The following COL25A1 variants were observed in gnomAD, a reference collection of about 807,000 sequenced individuals.
The protein encoded by COL25A1 is collagen alpha-1(XXV) chain.
Under a neutral mutation model 128.4 loss-of-function variants are expected in COL25A1, and 103 were observed. The ratio of observed to expected loss-of-function variants is 0.80; its 90% CI spans 0.68 to 0.94. The LOEUF is 0.94. COL25A1 is among the 40% of genes least tolerant of loss of function. The pLI, the probability that COL25A1 is intolerant of heterozygous loss-of-function variation, is 0.00. For synonymous variants in COL25A1, 279 were observed against 277.2 expected (o/e 1.01, Z -0.06); for missense variants, 745 against 840.0 (o/e 0.89, Z 1.40).
intron 3 of COL25A1, among the ~76,000 whole-genome samples, chr4:109,166,942 G>A (rs1440430780): frequency 6.6e-6 from 1 of 152,146 alleles, no homozygotes; most frequent in Non-Finnish European, 1.5e-5. Flanking sequence ...TCTGCAAGAG[G>A]AAAGTACTTA....
At chr4:108,952,671 T>C (rs139474648) in intron 8 of COL25A1, among the ~76,000 whole-genome samples, 34 of 152,164 alleles carry the variant, frequency 2.2e-4, no homozygotes, top group African/African-American at 7.5e-4. Context: ...CAAGGACTCA[T>C]CTCAACTTGA....
intron 2 of COL25A1, 78 bp downstream of exon 2, chr4:109,301,645 G>T: frequency 1.3e-6 from 2 of 1,499,768 alleles, no homozygotes. Context: ...GTACAGTAAG[G>T]GTAGCGGCTA....
chr4:109,056,172 C>A (rs901453010), intron 3 of COL25A1, among the ~76,000 whole-genome samples: 11 of 151,970 alleles, frequency 7.2e-5, no homozygotes, highest in Non-Finnish European at 1.6e-4. Context: ...AAGTCTTTCT[C>A]CCTTATTTTT....
At chr4:109,301,334 T>C (rs1211118878) in intron 2 of COL25A1, among the ~76,000 whole-genome samples, 2 of 152,210 alleles carry the variant, frequency 1.3e-5, no homozygotes, top group Non-Finnish European at 2.9e-5. Context: ...ATTAATAACA[T>C]CTATGACCCT....
chr4:109,112,658 AAAG>A (rs1347883807), intron 3 of COL25A1, among the ~76,000 whole-genome samples: 1 of 152,140 alleles, frequency 6.6e-6, no homozygotes, highest in Non-Finnish European at 1.5e-5. Context: ...CTCAAAAAAG[AAAG>A]AAAAATGATA....
chr4:109,071,351 A>C (rs1403510458), intron 3 of COL25A1, among the ~76,000 whole-genome samples: 5 of 152,174 alleles, frequency 3.3e-5, no homozygotes, highest in Non-Finnish European at 7.4e-5. Context: ...ACCCTAGAAG[A>C]AAACCTAGGC....
intron 8 of COL25A1, among the ~76,000 whole-genome samples, chr4:108,950,619 T>A (rs1244542724): frequency 6.6e-6 from 1 of 152,228 alleles, no homozygotes; most frequent in African/African-American, 2.4e-5. Flanking sequence ...GGTTCTATTT[T>A]AGGAACTCTC....
intron 3 of COL25A1, among the ~76,000 whole-genome samples, chr4:109,178,269 T>A (rs914807258): frequency 5.3e-5 from 8 of 152,202 alleles, no homozygotes; most frequent in African/African-American, 1.9e-4. Context: ...AAAAACATTT[T>A]CAACTACGTT....
intron 3 of COL25A1, among the ~76,000 whole-genome samples, chr4:109,205,731 A>G (rs1776927224): frequency 1.3e-5 from 2 of 152,136 alleles, no homozygotes; most frequent in African/African-American, 4.8e-5. Flanking sequence ...CCTATCTAAT[A>G]AAGTTTCACC....
intron 3 of COL25A1, among the ~76,000 whole-genome samples, chr4:109,062,272 T>C (rs1762048338): frequency 6.6e-6 from 1 of 152,168 alleles, no homozygotes; most frequent in African/African-American, 2.4e-5. Flanking sequence ...AAGGGTTACA[T>C]CTTTAAGTTA....
intron 3 of COL25A1, among the ~76,000 whole-genome samples, chr4:109,187,554 T>C (rs2526449): frequency 0.64 from 96,725 of 152,028 alleles, 31,157 homozygotes; most frequent in East Asian, 0.75. Flanking sequence ...CAGTAGCTGG[T>C]ACATTATAAA....
chr4:108,938,708 T>A (rs911403709), intron 10 of COL25A1, among the ~76,000 whole-genome samples: 1 of 152,066 alleles, frequency 6.6e-6, no homozygotes, highest in Non-Finnish European at 1.5e-5. Context: ...TACAAAAAAA[T>A]TAGCCAGGCA....
At chr4:108,955,847 T>G (rs1307456743) in intron 8 of COL25A1, among the ~76,000 whole-genome samples, 1 of 152,206 alleles carries the variant, frequency 6.6e-6, no homozygotes, top group Non-Finnish European at 1.5e-5. Context: ...AAAAATATAG[T>G]TGTTTGAATT....
At chr4:108,871,909 A>G (rs1312999511) in intron 19 of COL25A1, among the ~76,000 whole-genome samples, 1 of 152,124 alleles carries the variant, frequency 6.6e-6, no homozygotes, top group Non-Finnish European at 1.5e-5. Flanking sequence ...TGAAGTAAAT[A>G]AGGCATGGAT....
At chr4:108,861,001 A>G (rs374470008) in intron 22 of COL25A1, 30 bp from the exon 23 acceptor site, 3 of 1,599,150 alleles carry the variant, frequency 1.9e-6, no homozygotes, top group African/African-American at 2.7e-5. Flanking sequence ...AAAAAACTTA[A>G]TCAGAAGTGG....
chr4:108,823,904 C>T, intron 35 of COL25A1: 15 of 1,368,648 alleles, frequency 1.1e-5, no homozygotes, highest in South Asian at 7.5e-5. Context: ...TTTATTTTTC[C>T]ATAAATTGGT....
rs1489181575 is a variant in COL25A1 at position 108,812,264 on chromosome 4, T to C, written c.*1663A>G. The C allele has an allele frequency of 6.6e-6, 1 of 152,176 alleles. No individual in the cohort carries two copies. Among genetic ancestry groups the C allele is most frequent in the Non-Finnish European group, 1.5e-5 (1 of 68,024 alleles). The allele number at this position is 152,176 out of a possible 1,614,324, so 9.4% of individuals were successfully genotyped here. On this transcript the variant is annotated 3_prime_UTR_variant, in exon 38 of 38. Transcript: ENST00000399132. ...TGAGATCTTAGATTTGGTCTGTGGA[T>C]ATGAGGATGAGACAAACATTTAGAA...
At chr4:108,978,969 A>G (rs1752698574) in intron 6 of COL25A1, among the ~76,000 whole-genome samples, 1 of 152,214 alleles carries the variant, frequency 6.6e-6, no homozygotes. Flanking sequence ...AGTTGTATGT[A>G]ATTAATCCTA....
intron 3 of COL25A1, among the ~76,000 whole-genome samples, chr4:109,098,291 G>A (rs1335276389): frequency 6.6e-6 from 1 of 152,162 alleles, no homozygotes; most frequent in African/African-American, 2.4e-5. Context: ...GGAAGGCCCT[G>A]GATAATCGGA....
Sources: allele counts gnomAD v4.1 joint callset (sites outside exome capture counted in the v4.1 genomes callset), GRCh38; gene constraint gnomAD v4.1.1; transcripts MANE v1.5; gene names NCBI Gene and HGNC (gene_info 2026-07-23, HGNC 2026-07-21).